The following PHYHD1 variants were observed in gnomAD, a reference collection of about 807,000 sequenced individuals.
PHYHD1 encodes the protein phytanoyl-CoA dioxygenase domain-containing protein 1.
PHYHD1 carries 42 observed loss-of-function variants against 43.6 expected under a neutral mutation model. The ratio of observed to expected loss-of-function variants is 0.96; its 90% CI spans 0.75 to 1.25. The LOEUF (loss-of-function observed/expected upper bound fraction) is 1.25. PHYHD1 is among the 50% of genes most tolerant of loss of function. The probability of loss-of-function intolerance (pLI) is 0.00; values close to 1 mark genes in which losing one functional copy is unlikely to be tolerated. For synonymous variants in PHYHD1, 139 were observed against 143.6 expected (o/e 0.97, Z 0.23); for missense variants, 342 against 370.8 (o/e 0.92, Z 0.64).
intron 9 of PHYHD1, 51 bp from the exon 10 acceptor site, chr9:128,940,318 G>A: frequency 6.2e-7 from 1 of 1,607,976 alleles, no homozygotes; most frequent in Non-Finnish European, 8.5e-7. Context: ...GCCAAGGTGA[G>A]GTGGAAACAG....
At chr9:128,929,164 C>CA (rs1349820159) in intron 4 of PHYHD1, among the ~76,000 whole-genome samples, 3 of 152,002 alleles carry the variant, frequency 2.0e-5, no homozygotes, top group African/African-American at 4.8e-5. Context: ...CCTGTCTCTA[C>CA]AAAAAAATTT....
intron 3 of PHYHD1, among the ~76,000 whole-genome samples, chr9:128,922,767 T>C (rs570995323): frequency 6.6e-6 from 1 of 152,282 alleles, no homozygotes; most frequent in Admixed American, 6.5e-5. Flanking sequence ...TTTTAAAAAA[T>C]CACTCATACA....
rs1378461889 is a variant in PHYHD1 at position 128,941,522 on chromosome 9, A to G, written c.781A>G (p.Thr261Ala). Residue 261 changes from threonine (T) to alanine (A), a missense_variant, in exon 12 of 13, where the codon ACT becomes GCT. Thr to Ala is a moderately conservative substitution (Grantham distance 58, BLOSUM62 0). Coordinates refer to ENST00000372592, the MANE Select transcript of PHYHD1 (RefSeq NM_001100876.2). The stretch of plus-strand genomic sequence containing the variant: ...CTCTGACCGCTCGCGCCAGGCCTAC[A>G]CTTTCCACCTCATGGAGGCCTCTGG... ...NLSDRSRQAYTFHLMEASGTT... is the reference protein window; with the variant it reads ...NLSDRSRQAYAFHLMEASGTT... The G allele has an allele frequency of 1.9e-6, 3 of 1,614,044 alleles. No homozygotes were observed. Among genetic ancestry groups the G allele is most frequent in the Admixed American group, 1.7e-5 (1 of 60,010 alleles).
rs1588241684 is a variant in PHYHD1 at position 128,922,066 on chromosome 9, T to G, written c.-42+19T>G. 6 of 506,852 alleles carry G rather than the reference T, an allele frequency of 1.2e-5. No homozygotes were observed. Among genetic ancestry groups the G allele is most frequent in the Admixed American group, 3.7e-5 (1 of 26,998 alleles). The allele number at this position is 506,852 out of a possible 1,614,324, so 31.4% of individuals were successfully genotyped here. The stretch of plus-strand genomic sequence containing the variant: ...GCACCTGGTAAGCAGTGGTGGGGGG[T>G]GGTTTCCAGAAGAAACACAGAGGAA... On this transcript the variant is annotated intron_variant, in intron 2 of 12. Transcript: ENST00000372592.
At chr9:128,931,809 G>A (rs183804429) in intron 4 of PHYHD1, among the ~76,000 whole-genome samples, 6 of 152,042 alleles carry the variant, frequency 3.9e-5, no homozygotes, top group African/African-American at 1.4e-4. Context: ...TTACAGGCGT[G>A]AGCCACCTCG....
In PHYHD1 at chr9:128,921,464, A is replaced by T. The variant is rs2131089926; in HGVS notation, c.-364A>T. On this transcript the variant is annotated 5_prime_UTR_variant, in exon 1 of 13. Coordinates refer to ENST00000372592, the MANE Select transcript of PHYHD1 (RefSeq NM_001100876.2). ...CAGGTGCCCGCCACCACGCCCGGCT[A>T]ATTTTTTGTATTTTTAGTAGAGACG... The T allele has an allele frequency of 6.6e-6, 1 of 152,260 alleles. No individual in the cohort carries two copies. Among genetic ancestry groups the T allele is most frequent in the Admixed American group, 6.5e-5 (1 of 15,276 alleles). The allele number at this position is 152,260 out of a possible 1,614,324, so 9.4% of individuals were successfully genotyped here. A position where few individuals can be genotyped will look rare whatever the true frequency, so the allele number is the denominator to read the frequency against.
At chr9:128,941,360 AAGG>A (rs1588259137) in intron 11 of PHYHD1, 82 bp from the exon 12 acceptor site, 1 of 1,550,708 alleles carries the variant, frequency 6.4e-7, no homozygotes, top group Non-Finnish European at 8.7e-7. Context: ...AAACCACTGG[AAGG>A]AGGAGGGCCC....
At chr9:128,941,397 G>C (rs769157764) in intron 11 of PHYHD1, 48 bp from the exon 12 acceptor site, 1 of 1,603,178 alleles carries the variant, frequency 6.2e-7, no homozygotes, top group East Asian at 2.2e-5. Context: ...CTCTGGGGAG[G>C]GGGGATGTGG....
chr9:128,934,964 C>T (rs1841390189), intron 6 of PHYHD1, among the ~76,000 whole-genome samples: 1 of 152,056 alleles, frequency 6.6e-6, no homozygotes, highest in African/African-American at 2.4e-5. Flanking sequence ...TACTGCCTGG[C>T]CTGGGGGAGC....
rs199541684 is a variant in PHYHD1, at chr9:128,937,757, C to A, written c.436C>A (p.Gln146Lys). ...ACCAGGCTTTTCCTCTCTCTTGCAG[C>A]AACCTCACTTTGGCGGTGAAGGTGA... ...VVVQSMYIFK[Q>K]PHFGGEVSPH... Residue 146 changes from glutamine to lysine, a missense_variant and splice_region_variant, in exon 9 of 13, where the codon CAA (glutamine) becomes AAA (lysine). Physicochemically the swap from Gln to Lys is moderately conservative, Grantham distance 53 (BLOSUM62 1). Transcript: ENST00000372592. The A allele has an allele frequency of 4.0e-4, 651 of 1,613,898 alleles. No homozygotes were observed. The highest frequency in any genetic ancestry group is 5.0e-4 in the Non-Finnish European group (593 of 1,180,044).
rs998789350 is a variant in PHYHD1 at position 128,921,686 on chromosome 9, T to G, written c.-160+18T>G. 2.6e-5 allele frequency: 4 copies of G among 152,238 alleles called. No homozygotes were observed. The highest frequency in any genetic ancestry group is 9.7e-5 in the African/African-American group (4 of 41,420). 9.4% of individuals were successfully genotyped at this position (152,238 alleles called of 1,614,324 possible). On this transcript the variant is annotated intron_variant, in intron 1 of 12. Transcript: ENST00000372592. ...GCCTGAGGGTGGGTAACAGGAAGCATCTCTCTCTCCTCAGCCCCTTCCTCC... is the reference window on the plus strand; with the variant it reads ...GCCTGAGGGTGGGTAACAGGAAGCAGCTCTCTCTCCTCAGCCCCTTCCTCC...
In PHYHD1 at chr9:128,941,588, G is replaced by A. The variant is rs1485444209; in HGVS notation, c.830+17G>A. Reference sequence around the variant, plus strand: ...GGAGAACTGGTAGGTGACAGGGTGGGTGTGTGTGCCCGACAGTCCCCTGGA... The same window carrying A: ...GGAGAACTGGTAGGTGACAGGGTGGATGTGTGTGCCCGACAGTCCCCTGGA... On this transcript the variant is annotated intron_variant, in intron 12 of 12. Transcript: ENST00000372592. The A allele has an allele frequency of 7.4e-6, 12 of 1,614,178 alleles. No homozygotes were observed. Among genetic ancestry groups the A allele is most frequent in the Non-Finnish European group, 1.0e-5 (12 of 1,180,036 alleles).
chr9:128,927,063 T>C lies in PHYHD1; in HGVS notation c.59T>C (p.Leu20Pro), dbSNP rs745330472. The change falls in exon 4 of 13, where the codon CTG becomes CCG. Residue 20 changes from leucine (L) to proline (P), a missense_variant. Transcript: ENST00000372592. ...QKFQQDGFLVLEGFLSAEECV... is the reference protein window; with the variant it reads ...QKFQQDGFLVPEGFLSAEECV... ...TTCCAACAGGATGGATTCCTGGTGC[T>C]GGAAGGATTCTTGTCTGCGGAAGAG... is the stretch of plus-strand genomic sequence containing the variant. 3.1e-6 allele frequency: 5 copies of C among 1,614,180 alleles called. No individual in the cohort carries two copies. In the Admixed American group the frequency reaches 6.7e-5, roughly 22 times the overall value.
chr9:128,940,355 G>A lies in PHYHD1; in HGVS notation c.458-14G>A, dbSNP rs750927940. 11 of 1,613,804 alleles carry A rather than the reference G, an allele frequency of 6.8e-6. No individual in the cohort carries two copies. Among genetic ancestry groups the A allele is most frequent in the South Asian group, 2.2e-5 (2 of 91,068 alleles). The stretch of plus-strand genomic sequence containing the variant: ...CAAAAGGATGAGCTCCTCACCCCCC[G>A]TGGGCCTGCTTAGTCTCCCCTCATC... On this transcript the variant is annotated splice_polypyrimidine_tract_variant and intron_variant, in intron 9 of 12. Coordinates refer to ENST00000372592, the MANE Select transcript of PHYHD1 (RefSeq NM_001100876.2).
intron 9 of PHYHD1, among the ~76,000 whole-genome samples, chr9:128,938,552 G>A (rs1219615846): frequency 6.6e-6 from 1 of 152,038 alleles, no homozygotes; most frequent in East Asian, 1.9e-4. Flanking sequence ...TTCCCAAGTA[G>A]CTGGGATTAC....
Position 128,927,050 on chromosome 9 carries a change from G to A in PHYHD1, c.46G>A (p.Gly16Arg), listed in dbSNP as rs1259701380. ...PSQLQKFQQD[G>R]FLVLEGFLSA... ...AGCCTGCCTGCAGTTCCAACAGGAT[G>A]GATTCCTGGTGCTGGAAGGATTCTT... Residue 16 changes from glycine to arginine, a missense_variant, in exon 4 of 13, where the codon GGA becomes AGA. Physicochemically the swap from Gly to Arg is moderately radical, Grantham distance 125 (BLOSUM62 -2). Coordinates refer to ENST00000372592, the MANE Select transcript of PHYHD1 (RefSeq NM_001100876.2). 2.5e-6 allele frequency: 4 copies of A among 1,614,078 alleles called. No homozygotes were observed. In the Admixed American group the frequency reaches 6.7e-5, roughly 27 times the overall value.
rs181180857 is a variant in PHYHD1, at chr9:128,931,559, C to T, written c.193-2223C>T. On this transcript the variant is annotated intron_variant, in intron 4 of 12. Transcript: ENST00000372592. The stretch of plus-strand genomic sequence containing the variant: ...TTTTTTTTTGAGACGGAGTCTCGCT[C>T]TGTCACCCAAGCTGGAGTGCAGTGG... Among the ~76,000 whole-genome samples, 585 of 152,172 alleles carry T rather than the reference C, an allele frequency of 3.8e-3. 2 individuals are homozygous for T. Among genetic ancestry groups the T allele is most frequent in the Middle Eastern group, 0.01 (3 of 294 alleles).
In PHYHD1 at chr9:128,933,872, C is replaced by A; in HGVS notation, c.268+15C>A. On this transcript the variant is annotated intron_variant, in intron 5 of 12. Coordinates refer to ENST00000372592, the MANE Select transcript of PHYHD1 (RefSeq NM_001100876.2). Reference sequence around the variant, plus strand: ...TGATGAGAAAGGTTTGGAGCTGGGGCCCTAGAGCTGGGGAGGAGCCATGGT... The same window carrying A: ...TGATGAGAAAGGTTTGGAGCTGGGGACCTAGAGCTGGGGAGGAGCCATGGT... The A allele has an allele frequency of 6.2e-7, 1 of 1,612,894 alleles. No homozygotes were observed. Among genetic ancestry groups the A allele is most frequent in the Non-Finnish European group, 8.5e-7 (1 of 1,178,966 alleles).
In PHYHD1 at chr9:128,936,646, G is replaced by A; in HGVS notation, c.435+1G>A. 1 of 1,552,508 alleles carries A rather than the reference G, an allele frequency of 6.4e-7. No homozygotes were observed. The highest frequency in any genetic ancestry group is 8.7e-7 in the Non-Finnish European group (1 of 1,147,424). ...GGTGCAGAGCATGTACATCTTTAAG[G>A]TGAGCTCCTTGTCCTTGCCTCAGTT... On this transcript the variant is annotated splice_donor_variant, in intron 8 of 12. Coordinates refer to ENST00000372592, the MANE Select transcript of PHYHD1 (RefSeq NM_001100876.2). LOFTEE classifies it high-confidence loss of function.
Sources: allele counts gnomAD v4.1 joint callset (sites outside exome capture counted in the v4.1 genomes callset), GRCh38; gene constraint gnomAD v4.1.1; transcripts MANE v1.5; gene names NCBI Gene and HGNC (gene_info 2026-07-23, HGNC 2026-07-21).